The following DPYSL3 variants were observed in gnomAD, a reference collection of about 807,000 sequenced individuals.
DPYSL3 encodes the protein dihydropyrimidinase-related protein 3.
In DPYSL3, 16 loss-of-function variants were observed where a neutral mutation model predicts 66.1. The observed-to-expected ratio is 0.24, with a 90% CI of 0.16 to 0.37. The LOEUF (loss-of-function observed/expected upper bound fraction) is 0.37, where lower values mean the gene tolerates loss of function less well. Ranked by LOEUF, DPYSL3 falls within the 10% of genes least tolerant of loss-of-function variation. The pLI is 1.00. For missense variants in DPYSL3, 738 were observed against 916.2 expected (o/e 0.81, Z 2.51); for synonymous variants, 338 against 345.1 (o/e 0.98, Z 0.23).
intron 7 of DPYSL3, among the ~76,000 whole-genome samples, chr5:147,406,693 AAGTT>A (rs1305325240): frequency 1.3e-5 from 2 of 152,190 alleles, no homozygotes; most frequent in Non-Finnish European, 2.9e-5. Context: ...CAACTTGTGT[AAGTT>A]AGTCCAATTC....
intron 4 of DPYSL3, 127 bp downstream of exon 4, chr5:147,415,582 C>T (rs1046734846): frequency 3.6e-6 from 4 of 1,098,120 alleles, no homozygotes; most frequent in South Asian, 1.5e-5. Context: ...GTTATCCCTA[C>T]ATCCAGTGCT....
chr5:147,491,053 A>G (rs1183680197), intron 1 of DPYSL3, among the ~76,000 whole-genome samples: 1 of 152,196 alleles, frequency 6.6e-6, no homozygotes, highest in Non-Finnish European at 1.5e-5. Flanking sequence ...TGAAGAAACT[A>G]TTTTATTAGA....
At chr5:147,470,994 G>A (rs879690295) in intron 1 of DPYSL3, among the ~76,000 whole-genome samples, 28 of 152,130 alleles carry the variant, frequency 1.8e-4, no homozygotes, top group Non-Finnish European at 2.9e-4. Context: ...ACTCATCACT[G>A]TATCCCCAGT....
chr5:147,504,538 A>G (rs913953393), intron 1 of DPYSL3, among the ~76,000 whole-genome samples: 1 of 152,226 alleles, frequency 6.6e-6, no homozygotes, highest in Non-Finnish European at 1.5e-5. Context: ...TCTGATAGCT[A>G]GTGAGGCCTT....
Position 147,405,652 on chromosome 5 carries a change from T to C in DPYSL3, c.1111A>G (p.Ser371Gly), listed in dbSNP as rs775590493. 6.2e-7 allele frequency: 1 copy of C among 1,614,078 alleles called. No homozygotes were observed. The highest frequency in any genetic ancestry group is 8.5e-7 in the Non-Finnish European group (1 of 1,179,972). Residue 371 changes from serine (S) to glycine (G), a missense_variant, in exon 8 of 14, where the codon AGC (serine) becomes GGC (glycine). Physicochemically the swap from Ser to Gly is moderately conservative, Grantham distance 56. Coordinates refer to ENST00000343218, the MANE Select transcript of DPYSL3 (RefSeq NM_001197294.2). ...GAGATGAGGTCAGCTGCACTCTTGCTCATGACCTTTGTGACGTAGAGAGGG... is the reference window on the plus strand; with the variant it reads ...GAGATGAGGTCAGCTGCACTCTTGCCCATGACCTTTGTGACGTAGAGAGGG... Reference protein sequence around the residue: ...NCPLYVTKVMSKSAADLISQA... With the variant: ...NCPLYVTKVMGKSAADLISQA...
intron 1 of DPYSL3, among the ~76,000 whole-genome samples, chr5:147,428,460 A>G (rs752315515): frequency 6.6e-6 from 1 of 152,122 alleles, no homozygotes; most frequent in Non-Finnish European, 1.5e-5. Context: ...CTGAAAGGCA[A>G]TTCTTAGGCT....
At chr5:147,493,572 T>TA (rs988724055) in intron 1 of DPYSL3, among the ~76,000 whole-genome samples, 3 of 147,374 alleles carry the variant, frequency 2.0e-5, no homozygotes, top group South Asian at 4.3e-4. Context: ...AGACTCTGTC[T>TA]AAAAAAAAAG....
At chr5:147,456,984 AT>A in intron 1 of DPYSL3, among the ~76,000 whole-genome samples, 1 of 152,116 alleles carries the variant, frequency 6.6e-6, no homozygotes, top group East Asian at 1.9e-4. Context: ...TATCACCTGA[AT>A]TATTGTAACC....
chr5:147,480,708 ATTAT>A (rs1403791491), intron 1 of DPYSL3, among the ~76,000 whole-genome samples: 2 of 104,434 alleles, frequency 1.9e-5, no homozygotes, highest in Non-Finnish European at 1.9e-5. Context: ...TATATATATT[ATTAT>A]TATTATTATT....
intron 1 of DPYSL3, among the ~76,000 whole-genome samples, chr5:147,487,374 C>T (rs1445744433): frequency 1.3e-5 from 2 of 152,160 alleles, no homozygotes; most frequent in African/African-American, 4.8e-5. Context: ...GAAAGGGGAA[C>T]AAGTGTTTCT....
Position 147,501,478 on chromosome 5 carries a change from ATTT to A in DPYSL3, c.381+7997_381+7999del, listed in dbSNP as rs749216433. 3.6e-3 allele frequency among the ~76,000 whole-genome samples: 329 copies of A among 91,060 alleles called. 5 individuals are homozygous for A. Among genetic ancestry groups the A allele is most frequent in the African/African-American group, 0.014 (308 of 22,506 alleles). 59.7% of individuals were successfully genotyped at this position (91,060 alleles called of 152,430 possible). A position where few individuals can be genotyped will look rare whatever the true frequency, so the allele number is the denominator to read the frequency against. On this transcript the variant is annotated intron_variant, in intron 1 of 13. Coordinates refer to ENST00000343218, the MANE Select transcript of DPYSL3 (RefSeq NM_001197294.2). ...AAACTATGGATTTGTGGTGATAATGATTTTTTTTTTTTTTTTTTTTTTTTTTAC... is the reference window on the plus strand; with the variant it reads ...AAACTATGGATTTGTGGTGATAATGATTTTTTTTTTTTTTTTTTTTTTTAC...
chr5:147,453,631 T>G lies in DPYSL3; in HGVS notation c.382-28668A>C, dbSNP rs1281352268. The G allele has an allele frequency of 5.3e-6, 8 of 1,519,674 alleles. No homozygotes were observed. The African/African-American group carries it at 1.0e-4, about 19-fold the overall frequency. 94.1% of individuals were successfully genotyped at this position (1,519,674 alleles called of 1,614,324 possible). A position where few individuals can be genotyped will look rare whatever the true frequency, so the allele number is the denominator to read the frequency against. Reference sequence around the variant, plus strand: ...AGCGGCTGGCTCCCTCCCTCCTTCTTCTGCTCCGGCTCGCCCGCGCCTTCC... The same window carrying G: ...AGCGGCTGGCTCCCTCCCTCCTTCTGCTGCTCCGGCTCGCCCGCGCCTTCC... On this transcript the variant is annotated intron_variant, in intron 1 of 13. Coordinates refer to ENST00000343218, the MANE Select transcript of DPYSL3 (RefSeq NM_001197294.2).
intron 1 of DPYSL3, among the ~76,000 whole-genome samples, chr5:147,473,605 C>CTGTTT (rs1472976505): frequency 3.9e-5 from 6 of 152,020 alleles, no homozygotes; most frequent in African/African-American, 9.7e-5. Context: ...TTTGGGGGTT[C>CTGTTT]TGTTTTGTTT....
intron 1 of DPYSL3, among the ~76,000 whole-genome samples, chr5:147,470,025 T>C (rs1275181084): frequency 1.3e-5 from 2 of 152,166 alleles, no homozygotes; most frequent in African/African-American, 2.4e-5. Context: ...GTCTGAGACG[T>C]CACTGCCTTG....
At chr5:147,483,918 T>C (rs916517614) in intron 1 of DPYSL3, among the ~76,000 whole-genome samples, 1 of 152,182 alleles carries the variant, frequency 6.6e-6, no homozygotes, top group African/African-American at 2.4e-5. Context: ...ATGAGCTACA[T>C]ATGTGAAAAG....
intron 1 of DPYSL3, among the ~76,000 whole-genome samples, chr5:147,452,926 C>CAT (rs1310711308): frequency 8.5e-6 from 1 of 117,238 alleles, no homozygotes; most frequent in African/African-American, 3.4e-5. Flanking sequence ...CACACACACA[C>CAT]ATAAAGTTGA....
At chr5:147,501,071 G>A (rs191649758) in intron 1 of DPYSL3, among the ~76,000 whole-genome samples, 33 of 151,812 alleles carry the variant, frequency 2.2e-4, no homozygotes, top group Admixed American at 1.1e-3. Context: ...AAGCAACCAC[G>A]ACATCCTTCA....
At chr5:147,410,574 C>T (rs1050445376) in intron 6 of DPYSL3, among the ~76,000 whole-genome samples, 1 of 152,132 alleles carries the variant, frequency 6.6e-6, no homozygotes, top group Non-Finnish European at 1.5e-5. Context: ...AGGAAAGGAA[C>T]CCTGTCTTTT....
chr5:147,449,717 G>A (rs17106746), intron 1 of DPYSL3, among the ~76,000 whole-genome samples: 3,167 of 152,280 alleles, frequency 0.021, 117 homozygotes, highest in African/African-American at 0.071. Flanking sequence ...ACTGGGAAAT[G>A]ATTATCTGTG....
Sources: allele counts gnomAD v4.1 joint callset (sites outside exome capture counted in the v4.1 genomes callset), GRCh38; gene constraint gnomAD v4.1.1; transcripts MANE v1.5; gene names NCBI Gene and HGNC (gene_info 2026-07-23, HGNC 2026-07-21).